The following IDH1 variants were observed in gnomAD, a reference collection of about 807,000 sequenced individuals.
IDH1 encodes the protein isocitrate dehydrogenase [NADP] cytoplasmic.
A neutral mutation model predicts 46.1 loss-of-function variants in IDH1; 33 were observed. The observed-to-expected ratio is 0.72, with a 90% CI of 0.54 to 0.96. The LOEUF (loss-of-function observed/expected upper bound fraction) is 0.96. Ranked by LOEUF, IDH1 falls within the 40% of genes least tolerant of loss-of-function variation. The pLI is 0.00. For synonymous variants in IDH1, 144 were observed against 172.8 expected (o/e 0.83, Z 1.31); for missense variants, 421 against 515.7 (o/e 0.82, Z 1.78).
At chr2:208,237,817 T>C in intron 9 of IDH1, among the ~76,000 whole-genome samples, 1 of 149,526 alleles carries the variant, frequency 6.7e-6, no homozygotes, top group South Asian at 2.1e-4. Context: ...TCCCAGCTAC[T>C]TGGGAGGCTG....
At position 208,239,052 on chromosome 2, in the gene IDH1, T is replaced by C; in HGVS notation, c.1154+19A>G. ...TAAGTGTTAATTTGACCATAGAAACTAGGGCATCTTATACTTACTTGGGTA... is the reference window on the plus strand; with the variant it reads ...TAAGTGTTAATTTGACCATAGAAACCAGGGCATCTTATACTTACTTGGGTA... On this transcript the variant is annotated intron_variant, in intron 9 of 9. Coordinates refer to ENST00000345146, the MANE Select transcript of IDH1 (RefSeq NM_005896.4). 2 of 1,610,346 alleles carry C rather than the reference T, an allele frequency of 1.2e-6. No individual in the cohort carries two copies. The highest frequency in any genetic ancestry group is 1.7e-4 in the Middle Eastern group (1 of 5,874).
chr2:208,249,435 A>G (rs1335670489), intron 3 of IDH1, among the ~76,000 whole-genome samples: 2 of 152,208 alleles, frequency 1.3e-5, no homozygotes, highest in Admixed American at 1.3e-4. Context: ...GAATCCATCA[A>G]TGGTTTTCTA....
intron 7 of IDH1, 33 bp downstream of exon 7, chr2:208,241,961 C>A (rs776372851): frequency 6.2e-7 from 1 of 1,609,224 alleles, no homozygotes; most frequent in Non-Finnish European, 8.5e-7. Flanking sequence ...CTGGAATGAC[C>A]CTGTTCCTAC....
Position 208,236,298 on chromosome 2 carries a change from T to C in IDH1, c.*781A>G. On this transcript the variant is annotated 3_prime_UTR_variant, in exon 10 of 10. Coordinates refer to ENST00000345146, the MANE Select transcript of IDH1 (RefSeq NM_005896.4). ...AAGATAAGATAGTGTTTAATATCAA[T>C]TTCTGAGAAATCACATTTATATAAA... is the stretch of plus-strand genomic sequence containing the variant. 4.5e-6 allele frequency: 1 copy of C among 221,614 alleles called. No individual in the cohort carries two copies. The highest frequency in any genetic ancestry group is 9.0e-6 in the Non-Finnish European group (1 of 110,564). 13.7% of individuals were successfully genotyped at this position (221,614 alleles called of 1,614,324 possible).
chr2:208,243,316 T>C, intron 6 of IDH1, 111 bp downstream of exon 6: 2 of 869,108 alleles, frequency 2.3e-6, no homozygotes, highest in South Asian at 1.5e-5. Context: ...GAGACAGTGA[T>C]GATTTTCACT....
intron 9 of IDH1, among the ~76,000 whole-genome samples, chr2:208,238,119 T>C (rs1687850030): frequency 6.7e-6 from 1 of 148,394 alleles, no homozygotes; most frequent in South Asian, 2.3e-4. Context: ...CACTGCAAGC[T>C]CCGCCTCCCA....
At position 208,240,308 on chromosome 2, in the gene IDH1, G is replaced by A. The variant is rs13395413; in HGVS notation, c.851-305C>T. 1,678 of 370,768 alleles carry A rather than the reference G, an allele frequency of 4.5e-3. 30 individuals carry two copies. Among genetic ancestry groups the A allele is most frequent in the African/African-American group, 0.033 (1,576 of 48,490 alleles). 23.0% of individuals were successfully genotyped at this position (370,768 alleles called of 1,614,324 possible). On this transcript the variant is annotated intron_variant, in intron 7 of 9. Coordinates refer to ENST00000345146, the MANE Select transcript of IDH1 (RefSeq NM_005896.4). ...AGTTCTATGACTTCATAGCTACTGC[G>A]GCTCAGTTTTCTTATCTGTAAAATG...
Position 208,236,966 on chromosome 2 carries a change from TA to T in IDH1, c.*112del. 1.5e-6 allele frequency: 1 copy of T among 680,228 alleles called. No individual in the cohort carries two copies. The highest frequency in any genetic ancestry group is 2.6e-6 in the Non-Finnish European group (1 of 383,444). The allele number at this position is 680,228 out of a possible 1,614,324, so 42.1% of individuals were successfully genotyped here. A position where few individuals can be genotyped will look rare whatever the true frequency, so the allele number is the denominator to read the frequency against. ...TATAGAAAAGATAAACTCTGGCTTCTAAACAAATTACAAAATTGATTTTGCC... is the reference window on the plus strand; with the variant it reads ...TATAGAAAAGATAAACTCTGGCTTCTAACAAATTACAAAATTGATTTTGCC... On this transcript the variant is annotated 3_prime_UTR_variant, in exon 10 of 10. Transcript: ENST00000345146.
chr2:208,236,325 GAAAT>G lies in IDH1; in HGVS notation c.*750_*753del, dbSNP rs1368879878. ...TCTGAGAAATCACATTTATATAAAA[GAAAT>G]AAAACAGGCCAGCAGAAGTCCAAAA... On this transcript the variant is annotated 3_prime_UTR_variant, in exon 10 of 10. Transcript: ENST00000345146. 2 of 225,250 alleles carry G rather than the reference GAAAT, an allele frequency of 8.9e-6. No individual in the cohort carries two copies. Among genetic ancestry groups the G allele is most frequent in the Non-Finnish European group, 1.8e-5 (2 of 113,010 alleles). 14.0% of individuals were successfully genotyped at this position (225,250 alleles called of 1,614,324 possible). A position where few individuals can be genotyped will look rare whatever the true frequency, so the allele number is the denominator to read the frequency against.
At chr2:208,240,204 T>A (rs975828722) in intron 7 of IDH1, 3 of 620,402 alleles carry the variant, frequency 4.8e-6, no homozygotes, top group African/African-American at 3.6e-5. Context: ...CTGGAAAGGC[T>A]GCATTTTCCC....
chr2:208,252,080 A>C (rs937381433), intron 2 of IDH1, among the ~76,000 whole-genome samples: 1 of 152,170 alleles, frequency 6.6e-6, no homozygotes, highest in Non-Finnish European at 1.5e-5. Flanking sequence ...CTCCTTTAAG[A>C]GGCTGTTTTT....
In IDH1 at chr2:208,239,165, A is replaced by G. The variant is rs536880332; in HGVS notation, c.1060T>C (p.Phe354Leu). 6.2e-7 allele frequency: 1 copy of G among 1,614,024 alleles called. No homozygotes were observed. The highest frequency in any genetic ancestry group is 1.3e-5 in the African/African-American group (1 of 74,938). ...AKLDNNKELA[F>L]FANALEEVSI... ...ACTTCTTCCAAAGCATTTGCAAAGAAGGCAAGCTCTTTATTGTTATCAAGC... is the reference window on the plus strand; with the variant it reads ...ACTTCTTCCAAAGCATTTGCAAAGAGGGCAAGCTCTTTATTGTTATCAAGC... The change falls in exon 9 of 10, where the codon TTC (phenylalanine) becomes CTC (leucine). Residue 354 changes from phenylalanine (F) to leucine (L), a missense_variant. Coordinates refer to ENST00000345146, the MANE Select transcript of IDH1 (RefSeq NM_005896.4).
At chr2:208,242,297 T>C in intron 6 of IDH1, 152 bp from the exon 7 acceptor site, 2 of 747,858 alleles carry the variant, frequency 2.7e-6, no homozygotes, top group South Asian at 1.6e-5. Context: ...AGACATTGGC[T>C]CAAATCCTAG....
chr2:208,250,302 T>TA (rs1186738136), intron 3 of IDH1, among the ~76,000 whole-genome samples: 1 of 150,484 alleles, frequency 6.6e-6, no homozygotes, highest in Non-Finnish European at 1.5e-5. Context: ...CTAAGATGCT[T>TA]TTTTTTTTTA....
intron 6 of IDH1, 70 bp downstream of exon 6, chr2:208,243,357 A>C: frequency 4.3e-6 from 5 of 1,150,012 alleles, no homozygotes; most frequent in Non-Finnish European, 6.5e-6. Flanking sequence ...GGATAGGGAG[A>C]TACATACTCT....
At chr2:208,237,408 CAGTT>C (rs1423216574) in intron 9 of IDH1, among the ~76,000 whole-genome samples, 6 of 152,136 alleles carry the variant, frequency 3.9e-5, no homozygotes, top group Admixed American at 6.6e-5. Flanking sequence ...CATACATACT[CAGTT>C]AGGTTTCTTG....
Position 208,250,902 on chromosome 2 carries a change from GTGT to G in IDH1, c.122+525_122+527del, listed in dbSNP as rs1559363142. On this transcript the variant is annotated intron_variant, in intron 3 of 9. Coordinates refer to ENST00000345146, the MANE Select transcript of IDH1 (RefSeq NM_005896.4). ...AAATTGAGTTTGAAATGACAAAATTGTGTTAACTGCATTTAGTTTACTGTTTCT... is the reference window on the plus strand; with the variant it reads ...AAATTGAGTTTGAAATGACAAAATTGTAACTGCATTTAGTTTACTGTTTCT... Among the ~76,000 whole-genome samples, 4 of 152,184 alleles carry G rather than the reference GTGT, an allele frequency of 2.6e-5. No homozygotes were observed. In the South Asian group the frequency reaches 8.3e-4, roughly 32 times the overall value.
chr2:208,254,629 T>G (rs1688181717), intron 1 of IDH1, among the ~76,000 whole-genome samples: 1 of 152,132 alleles, frequency 6.6e-6, no homozygotes, highest in East Asian at 1.9e-4. Flanking sequence ...CTTCCACCCC[T>G]CGATTTTCCA....
chr2:208,250,715 T>A (rs1017378116), intron 3 of IDH1, among the ~76,000 whole-genome samples: 7 of 152,196 alleles, frequency 4.6e-5, no homozygotes, highest in African/African-American at 1.7e-4. Context: ...CCAGGCACTT[T>A]ACACACAGGG....
Sources: allele counts gnomAD v4.1 joint callset (sites outside exome capture counted in the v4.1 genomes callset), GRCh38; gene constraint gnomAD v4.1.1; transcripts MANE v1.5; gene names NCBI Gene and HGNC (gene_info 2026-07-23, HGNC 2026-07-21).